CAST: variants seen among roughly 807,000 people sequenced by gnomAD.
The protein encoded by CAST is MIR583 host.
Under a neutral mutation model 119.6 loss-of-function variants are expected in CAST, and 76 were observed. The observed-to-expected ratio is 0.64, with a 90% CI of 0.53 to 0.77. CAST has a LOEUF of 0.77. Ranked by LOEUF, CAST falls within the 30% of genes least tolerant of loss-of-function variation. The pLI is 0.00. For missense variants in CAST, 953 were observed against 946.5 expected, an observed-to-expected ratio of 1.01 and a Z score of -0.09; for synonymous variants, 319 against 331.6, an observed-to-expected ratio of 0.96 and a Z score of 0.41.
chr5:96,709,889 A>G (rs553099505), intron 3 of CAST, among the ~76,000 whole-genome samples: 7 of 152,352 alleles, frequency 4.6e-5, no homozygotes, highest in Admixed American at 2.0e-4. Context: ...GGGTTCCCCA[A>G]TATTAGTTCC....
chr5:96,117,396 A>G, the CAST span, among the ~76,000 whole-genome samples: 1 of 152,258 alleles, frequency 6.6e-6, no homozygotes, highest in East Asian at 1.9e-4. Flanking sequence ...CACGTTAACC[A>G]TGTCCGTGTA....
chr5:96,329,846 A>C, the CAST span, among the ~76,000 whole-genome samples: 1 of 152,258 alleles, frequency 6.6e-6, no homozygotes, highest in Admixed American at 6.5e-5. Flanking sequence ...ATATTCCTAT[A>C]TTCAGCAGTC....
chr5:96,011,601 G>GTACCACACAT, the CAST span, among the ~76,000 whole-genome samples: 1 of 152,122 alleles, frequency 6.6e-6, no homozygotes, highest in African/African-American at 2.4e-5. Context: ...ATACCACACA[G>GTACCACACAT]TACCACACTG....
chr5:96,689,768 T>C (rs917781577), intron 2 of CAST, among the ~76,000 whole-genome samples: 3 of 152,234 alleles, frequency 2.0e-5, no homozygotes, highest in African/African-American at 4.8e-5. Context: ...AAATTACTTA[T>C]ATTATGAAGT....
At chr5:96,022,313 C>CA in the CAST span, among the ~76,000 whole-genome samples, 1 of 151,776 alleles carries the variant, frequency 6.6e-6, no homozygotes, top group African/African-American at 2.4e-5. Flanking sequence ...GTTCATATAA[C>CA]AAAAAAAATC....
intron 3 of CAST, among the ~76,000 whole-genome samples, chr5:96,721,276 T>C (rs891461879): frequency 3.9e-5 from 6 of 152,122 alleles, no homozygotes; most frequent in African/African-American, 1.4e-4. Flanking sequence ...TATATGATTA[T>C]TTTTGAAAAA....
At chr5:96,049,814 G>A in the CAST span, among the ~76,000 whole-genome samples, 5 of 134,940 alleles carry the variant, frequency 3.7e-5, no homozygotes, top group Admixed American at 7.9e-5. Context: ...TAAGGAAAAT[G>A]TGCTCAGAGT....
chr5:96,281,842 C>A, the CAST span, among the ~76,000 whole-genome samples: 1 of 152,088 alleles, frequency 6.6e-6, no homozygotes, highest in African/African-American at 2.4e-5. Flanking sequence ...TTGTGTAAGA[C>A]CATTTGCCTA....
At position 96,769,375 on chromosome 5, in the gene CAST, C is replaced by G. The variant is rs959561605; in HGVS notation, c.2269-1156C>G. 6.0e-5 allele frequency: 9 copies of G among 149,280 alleles called. No individual in the cohort carries two copies. In the South Asian group the frequency reaches 1.9e-3, roughly 32 times the overall value. 9.2% of individuals were successfully genotyped at this position (149,280 alleles called of 1,614,324 possible). Reference sequence around the variant, plus strand: ...CATTGTTCATTTCTCTCCCATAACACTGAAAACAGGGTTTTTTTTTGTTTT... The same window carrying G: ...CATTGTTCATTTCTCTCCCATAACAGTGAAAACAGGGTTTTTTTTTGTTTT... On this transcript the variant is annotated intron_variant, in intron 29 of 31. Coordinates refer to ENST00000675179, the MANE Select transcript of CAST (RefSeq NM_001750.7).
chr5:96,721,411 G>C (rs1758233438), intron 3 of CAST, among the ~76,000 whole-genome samples: 1 of 152,186 alleles, frequency 6.6e-6, no homozygotes, highest in Non-Finnish European at 1.5e-5. Flanking sequence ...ATAGACTATA[G>C]TGGGTTTCAT....
chr5:96,044,115 A>G, the CAST span, among the ~76,000 whole-genome samples: 1 of 152,200 alleles, frequency 6.6e-6, no homozygotes, highest in Non-Finnish European at 1.5e-5. Context: ...AAACACATAT[A>G]TTGGTACTTT....
chr5:96,226,331 C>G, the CAST span, among the ~76,000 whole-genome samples: 1 of 152,130 alleles, frequency 6.6e-6, no homozygotes, highest in Non-Finnish European at 1.5e-5. Context: ...AACCAGCCTT[C>G]TGGGAGAAGG....
At chr5:96,096,889 C>T in the CAST span, among the ~76,000 whole-genome samples, 53 of 152,300 alleles carry the variant, frequency 3.5e-4, 2 homozygotes, top group Admixed American at 1.6e-3. Context: ...AAAGATGCTA[C>T]TCTTGGAAAA....
chr5:96,270,190 ATCCCTC>A, the CAST span, among the ~76,000 whole-genome samples: 1 of 152,156 alleles, frequency 6.6e-6, no homozygotes, highest in Non-Finnish European at 1.5e-5. Context: ...AAATTTCAAC[ATCCCTC>A]TATGACAAAA....
the CAST span, among the ~76,000 whole-genome samples, chr5:96,405,151 C>T: frequency 6.6e-6 from 1 of 152,054 alleles, no homozygotes; most frequent in Non-Finnish European, 1.5e-5. Context: ...CCTCTATGTA[C>T]CTTGGCAGTA....
At position 96,734,180 on chromosome 5, in the gene CAST, G is replaced by A. The variant is rs145172260; in HGVS notation, c.631-1992G>A. On this transcript the variant is annotated intron_variant, in intron 9 of 31. Coordinates refer to ENST00000675179, the MANE Select transcript of CAST (RefSeq NM_001750.7). ...TTCTGGGCACAAAGTACATTCCAAC[G>A]TGGGTGAAGCACAGAGGAAGTGAAT... is the stretch of plus-strand genomic sequence containing the variant. Among the ~76,000 whole-genome samples, 1,490 of 152,340 alleles carry A rather than the reference G, an allele frequency of 9.8e-3. 7 individuals are homozygous for A. The highest frequency in any genetic ancestry group is 0.013 in the Non-Finnish European group (867 of 68,022).
chr5:95,961,460 C>T, the CAST span: 1 of 1,258,976 alleles, frequency 7.9e-7, no homozygotes, highest in South Asian at 2.4e-5. Flanking sequence ...CCGCTGCGGG[C>T]GCTGACGGTA....
chr5:96,181,519 AT>A, the CAST span, among the ~76,000 whole-genome samples: 3 of 152,248 alleles, frequency 2.0e-5, no homozygotes, highest in East Asian at 3.9e-4. Context: ...ACTGTTGGCC[AT>A]TTTTTCTCTC....
chr5:96,119,772 A>G, the CAST span, among the ~76,000 whole-genome samples: 2 of 152,164 alleles, frequency 1.3e-5, no homozygotes, highest in Admixed American at 6.6e-5. Flanking sequence ...AAGGTGTAGT[A>G]GATATGTGTT....
Sources: gnomAD v4.1 joint callset for allele counts (sites outside exome capture counted in the v4.1 genomes callset) on GRCh38, gnomAD v4.1.1 for gene constraint, MANE v1.5 for transcripts, NCBI Gene and HGNC (gene_info 2026-07-23, HGNC 2026-07-21) for gene names.